The following UNC13C variants were observed in gnomAD, a reference collection of about 807,000 sequenced individuals.
UNC13C encodes protein unc-13 homolog C.
In UNC13C, 174 loss-of-function variants were observed where a neutral mutation model predicts 245.4. The observed-to-expected ratio is 0.71, with a 90% CI of 0.63 to 0.80. The LOEUF (loss-of-function observed/expected upper bound fraction) is 0.80, where lower values mean the gene tolerates loss of function less well. Ranked by LOEUF, UNC13C falls within the 30% of genes least tolerant of loss-of-function variation. The pLI, the probability that UNC13C is intolerant of heterozygous loss-of-function variation, is 0.00. For synonymous variants in UNC13C, 992 were observed against 895.1 expected (o/e 1.11, Z -1.93); for missense variants, 2,829 against 2,602.9 (o/e 1.09, Z -1.89).
intron 19 of UNC13C, among the ~76,000 whole-genome samples, chr15:54,488,005 CTT>C (rs200528571): frequency 0.074 from 11,282 of 151,784 alleles, 463 homozygotes; most frequent in African/African-American, 0.11. Flanking sequence ...TTGATGATTT[CTT>C]GCCTCCAAAG....
intron 19 of UNC13C, among the ~76,000 whole-genome samples, chr15:54,487,229 G>A (rs948736570): frequency 4.6e-5 from 7 of 152,142 alleles, no homozygotes; most frequent in Non-Finnish European, 7.3e-5. Context: ...CTGAGGAATT[G>A]TTTGTGACTA....
At chr15:53,846,726 C>G in the UNC13C span, among the ~76,000 whole-genome samples, 1 of 152,122 alleles carries the variant, frequency 6.6e-6, no homozygotes, top group African/African-American at 2.4e-5. Flanking sequence ...AGAAGAGATA[C>G]TTCATATGCC....
In UNC13C at chr15:54,627,022, T is replaced by C. The variant is rs1239370405; in HGVS notation, c.6554T>C (p.Leu2185Pro). Residue 2185 changes from leucine (L) to proline (P), a missense_variant, in exon 33 of 33, where the codon CTT (leucine) becomes CCT (proline). Leu to Pro is a moderately conservative substitution (Grantham distance 98, BLOSUM62 -3). Coordinates refer to ENST00000260323, the MANE Select transcript of UNC13C (RefSeq NM_001080534.3). ...ISMDETGLTI[L>P]RILSQRTSDD... The stretch of plus-strand genomic sequence containing the variant: ...ATGGATGAAACTGGTTTGACTATCC[T>C]TAGAATACTCTCTCAGAGGACCAGT... The C allele has an allele frequency of 6.2e-7, 1 of 1,613,260 alleles. No individual in the cohort carries two copies. Among genetic ancestry groups the C allele is most frequent in the African/African-American group, 1.3e-5 (1 of 74,896 alleles).
At chr15:54,311,439 C>G (rs1434202088) in intron 13 of UNC13C, among the ~76,000 whole-genome samples, 1 of 151,548 alleles carries the variant, frequency 6.6e-6, no homozygotes. Flanking sequence ...AATTAGCTCA[C>G]AAGAAAAACA....
intron 1 of UNC13C, among the ~76,000 whole-genome samples, chr15:53,987,879 A>G (rs1053315391): frequency 6.6e-6 from 1 of 151,988 alleles, no homozygotes; most frequent in Non-Finnish European, 1.5e-5. Context: ...CCCTAATTAA[A>G]CTATCTATAA....
intron 4 of UNC13C, among the ~76,000 whole-genome samples, chr15:54,160,137 T>A (rs760720022): frequency 6.6e-6 from 1 of 152,036 alleles, no homozygotes; most frequent in Non-Finnish European, 1.5e-5. Context: ...TAGAAGCTAC[T>A]CTGTCAGAAT....
At chr15:54,337,131 A>G (rs563207026) in intron 16 of UNC13C, among the ~76,000 whole-genome samples, 2 of 152,260 alleles carry the variant, frequency 1.3e-5, no homozygotes, top group African/African-American at 4.8e-5. Context: ...TTTCTCTCCT[A>G]TACCATTGGC....
At chr15:54,330,884 A>C (rs1466556502) in intron 14 of UNC13C, among the ~76,000 whole-genome samples, 1 of 152,044 alleles carries the variant, frequency 6.6e-6, no homozygotes, top group Non-Finnish European at 1.5e-5. Context: ...GGCAGGGCTC[A>C]TTTCTTAGGC....
chr15:54,339,485 T>G (rs1053850962), intron 17 of UNC13C, among the ~76,000 whole-genome samples: 3 of 152,160 alleles, frequency 2.0e-5, no homozygotes, highest in African/African-American at 7.2e-5. Context: ...CCCTCATAGC[T>G]TAGCTCCCAC....
At chr15:54,101,254 C>T (rs1333249937) in intron 2 of UNC13C, among the ~76,000 whole-genome samples, 2 of 151,888 alleles carry the variant, frequency 1.3e-5, no homozygotes, top group Non-Finnish European at 2.9e-5. Flanking sequence ...AGCACAGAGA[C>T]AGAATAAAAT....
intron 2 of UNC13C, among the ~76,000 whole-genome samples, chr15:54,043,680 T>C (rs1896908038): frequency 6.6e-6 from 1 of 152,192 alleles, no homozygotes; most frequent in Non-Finnish European, 1.5e-5. Flanking sequence ...AGTTAATGTG[T>C]AGACAACCAG....
At chr15:54,257,781 G>C (rs1036551348) in intron 8 of UNC13C, among the ~76,000 whole-genome samples, 1 of 152,190 alleles carries the variant, frequency 6.6e-6, no homozygotes, top group African/African-American at 2.4e-5. Context: ...AGAAAAAGGA[G>C]CCTGCTAACT....
chr15:54,251,467 T>C (rs1386684486), intron 8 of UNC13C, among the ~76,000 whole-genome samples: 3 of 152,208 alleles, frequency 2.0e-5, no homozygotes, highest in African/African-American at 7.2e-5. Flanking sequence ...GACCTTTCCA[T>C]CCTTTCACAC....
chr15:54,142,049 T>C (rs748288), intron 2 of UNC13C, among the ~76,000 whole-genome samples: 1 of 151,958 alleles, frequency 6.6e-6, no homozygotes, highest in Non-Finnish European at 1.5e-5. Flanking sequence ...TTTTGCCAAC[T>C]TGTATCCATA....
intron 2 of UNC13C, among the ~76,000 whole-genome samples, chr15:54,112,435 T>C (rs972859210): frequency 2.6e-5 from 4 of 152,190 alleles, no homozygotes; most frequent in Non-Finnish European, 1.5e-5. Context: ...GATGTTTACA[T>C]AGTGCCTGAA....
chr15:54,538,115 C>T (rs368683120), intron 26 of UNC13C, among the ~76,000 whole-genome samples: 6 of 75,746 alleles, frequency 7.9e-5, no homozygotes, highest in South Asian at 9.3e-4. Flanking sequence ...CTATAAGGAG[C>T]TTAAATACAT....
At chr15:54,284,296 C>A (rs2037082833) in intron 10 of UNC13C, among the ~76,000 whole-genome samples, 1 of 152,138 alleles carries the variant, frequency 6.6e-6, no homozygotes, top group Non-Finnish European at 1.5e-5. Context: ...CTAATTCAAA[C>A]AAGTATATTT....
chr15:54,544,979 T>C (rs761007939), intron 26 of UNC13C, among the ~76,000 whole-genome samples: 2 of 152,118 alleles, frequency 1.3e-5, no homozygotes, highest in Non-Finnish European at 2.9e-5. Flanking sequence ...AAAAAGAGCC[T>C]GTATAGCCAA....
At chr15:54,347,682 T>G (rs1368401141) in intron 17 of UNC13C, among the ~76,000 whole-genome samples, 1 of 152,190 alleles carries the variant, frequency 6.6e-6, no homozygotes, top group Admixed American at 6.5e-5. Flanking sequence ...GATAGATGAA[T>G]GCAGAGGAAA....
Sources: allele counts gnomAD v4.1 joint callset (sites outside exome capture counted in the v4.1 genomes callset), GRCh38; gene constraint gnomAD v4.1.1; transcripts MANE v1.5; gene names NCBI Gene and HGNC (gene_info 2026-07-23, HGNC 2026-07-21).